Variants in PHIP observed in about 807,000 individuals in gnomAD.
The protein encoded by PHIP is PHIP subunit of CUL4-Ring ligase complex.
A neutral mutation model predicts 236.8 loss-of-function variants in PHIP; 54 were observed. The observed-to-expected ratio is 0.23, with a 90% CI of 0.18 to 0.29. The LOEUF (loss-of-function observed/expected upper bound fraction) is 0.29, where lower values mean the gene tolerates loss of function less well. PHIP is among the 10% of genes least tolerant of loss of function. The pLI is 1.00. For synonymous variants in PHIP, 756 were observed against 718.9 expected (o/e 1.05, Z -0.83); for missense variants, 1,370 against 2,190.8 (o/e 0.63, Z 7.48).
chr6:79,047,658 C>A (rs1772569917), intron 6 of PHIP, among the ~76,000 whole-genome samples: 1 of 152,082 alleles, frequency 6.6e-6, no homozygotes, highest in Non-Finnish European at 1.5e-5. Flanking sequence ...CCATTTACCA[C>A]AATATACCTG....
chr6:79,059,594 TATATATATATATA>T (rs1773256031), intron 6 of PHIP, among the ~76,000 whole-genome samples: 1 of 48,688 alleles, frequency 2.1e-5, no homozygotes, highest in Non-Finnish European at 4.5e-5. Flanking sequence ...AGCAAAATTA[TATATATATATATA>T]TATATATATA....
chr6:78,988,336 T>A lies in PHIP; in HGVS notation c.2333A>T (p.Glu778Val). 1 of 1,593,606 alleles carries A rather than the reference T, an allele frequency of 6.3e-7. No individual in the cohort carries two copies. The highest frequency in any genetic ancestry group is 1.2e-5 in the South Asian group (1 of 86,952). Reference sequence around the variant, plus strand: ...GGATTCTCCAAGATCCAGGAAATGCTCATGAGCATGATTCTAGAAAAAAAT... The same window carrying A: ...GGATTCTCCAAGATCCAGGAAATGCACATGAGCATGATTCTAGAAAAAAAT... ...IPTVSKNHAHEHFLDLGESKK... is the reference protein window; with the variant it reads ...IPTVSKNHAHVHFLDLGESKK... Residue 778 changes from glutamate (E) to valine (V), a missense_variant, in exon 21 of 40, where the codon GAG (glutamate) becomes GTG (valine). By Grantham distance (121) the Glu-to-Val change is moderately radical. This residue lies in a region of PHIP where 99 missense variants were observed against 110.0 expected (regional missense o/e 0.90). Coordinates refer to ENST00000275034, the MANE Select transcript of PHIP (RefSeq NM_017934.7).
intron 24 of PHIP, among the ~76,000 whole-genome samples, chr6:78,974,216 A>G (rs1259946251): frequency 6.6e-6 from 1 of 152,250 alleles, no homozygotes; most frequent in Non-Finnish European, 1.5e-5. Context: ...TTCAGGATTA[A>G]GAATCTCACT....
At position 78,959,073 on chromosome 6, in the gene PHIP, T is replaced by C. The variant is rs181768471; in HGVS notation, c.3657-473A>G. Among the ~76,000 whole-genome samples the C allele has an allele frequency of 3.1e-3, 476 of 152,212 alleles. 3 individuals carry two copies. Among genetic ancestry groups the C allele is most frequent in the African/African-American group, 0.011 (442 of 41,550 alleles). ...GTTAACTGACAGCCACCTTATGAGA[T>C]ACAAAATCATAAAAATATAGCATGC... On this transcript the variant is annotated intron_variant, in intron 31 of 39. Coordinates refer to ENST00000275034, the MANE Select transcript of PHIP (RefSeq NM_017934.7).
At chr6:79,003,450 C>A (rs1344079262) in intron 16 of PHIP, among the ~76,000 whole-genome samples, 2 of 151,958 alleles carry the variant, frequency 1.3e-5, no homozygotes, top group South Asian at 2.1e-4. Context: ...AGTTTATATA[C>A]CCCAAGTTAA....
chr6:79,052,839 C>T (rs1772865383), intron 6 of PHIP, among the ~76,000 whole-genome samples: 1 of 152,096 alleles, frequency 6.6e-6, no homozygotes, highest in Non-Finnish European at 1.5e-5. Context: ...ATTACCAAAT[C>T]AACAAATGGA....
intron 25 of PHIP, 90 bp downstream of exon 25, chr6:78,970,691 T>C: frequency 1.3e-6 from 1 of 785,220 alleles, no homozygotes; most frequent in Non-Finnish European, 2.1e-6. Flanking sequence ...ATGCAGTTTC[T>C]TATTGTGTTA....
intron 15 of PHIP, among the ~76,000 whole-genome samples, chr6:79,009,063 T>A (rs929395404): frequency 2.0e-5 from 3 of 152,128 alleles, no homozygotes; most frequent in African/African-American, 7.2e-5. Context: ...GTAGTTGTCC[T>A]CACACTTATT....
intron 16 of PHIP, among the ~76,000 whole-genome samples, chr6:79,003,448 T>C (rs2065986): frequency 0.017 from 2,538 of 152,164 alleles, 70 homozygotes; most frequent in African/African-American, 0.058. Flanking sequence ...CCAGTTTATA[T>C]ACCCCAAGTT....
At chr6:79,015,366 T>TAA in intron 14 of PHIP, 150 bp from the exon 15 acceptor site, 1 of 683,556 alleles carries the variant, frequency 1.5e-6, no homozygotes, top group Non-Finnish European at 2.5e-6. Flanking sequence ...CATGTATATA[T>TAA]AATAATGAAA....
At chr6:79,005,853 T>C (rs1770262531) in intron 15 of PHIP, among the ~76,000 whole-genome samples, 3 of 152,028 alleles carry the variant, frequency 2.0e-5, no homozygotes, top group Non-Finnish European at 2.9e-5. Flanking sequence ...TGATCAACCC[T>C]TGACCCTATT....
At chr6:79,019,494 A>G (rs920733325) in intron 9 of PHIP, among the ~76,000 whole-genome samples, 1 of 152,132 alleles carries the variant, frequency 6.6e-6, no homozygotes, top group East Asian at 1.9e-4. Context: ...CAACGTACAA[A>G]CATATAAGGA....
intron 4 of PHIP, among the ~76,000 whole-genome samples, chr6:79,076,966 T>C (rs186562330): frequency 3.0e-4 from 46 of 152,338 alleles, no homozygotes; most frequent in African/African-American, 1.1e-3. Context: ...AGCGGCTGGA[T>C]AGCCTGCTTG....
intron 39 of PHIP, 52 bp downstream of exon 39, chr6:78,945,248 T>G: frequency 2.3e-6 from 3 of 1,295,554 alleles, no homozygotes; most frequent in Non-Finnish European, 3.3e-6. Flanking sequence ...AACAAAAGCA[T>G]TATTTATAAT....
chr6:78,958,395 G>A (rs546496476), intron 32 of PHIP, 80 bp downstream of exon 32: 1 of 914,366 alleles, frequency 1.1e-6, no homozygotes, highest in South Asian at 1.5e-5. Flanking sequence ...TTTACAAACA[G>A]TATGTTTTCT....
At chr6:79,048,936 T>C (rs1772646933) in intron 6 of PHIP, among the ~76,000 whole-genome samples, 1 of 152,194 alleles carries the variant, frequency 6.6e-6, no homozygotes, top group Non-Finnish European at 1.5e-5. Flanking sequence ...AATATGTAAC[T>C]CGGAAGGTAT....
At chr6:79,028,369 T>C (rs1241567324) in intron 7 of PHIP, among the ~76,000 whole-genome samples, 2 of 152,060 alleles carry the variant, frequency 1.3e-5, no homozygotes, top group South Asian at 4.1e-4. Flanking sequence ...GTTAAAATAG[T>C]ATGGTCAGGA....
chr6:78,943,989 TTAAAAAAAAAA>T (rs1477079575), intron 39 of PHIP, among the ~76,000 whole-genome samples: 1 of 46,822 alleles, frequency 2.1e-5, no homozygotes, highest in Admixed American at 2.7e-4. Flanking sequence ...CTGTCTTTTT[TTAAAAAAAAAA>T]AAAAAAAAAA....
chr6:79,062,074 G>C (rs914488373), intron 4 of PHIP, among the ~76,000 whole-genome samples: 10 of 152,092 alleles, frequency 6.6e-5, no homozygotes, highest in Non-Finnish European at 5.9e-5. Flanking sequence ...TAAAACAGCA[G>C]TTTGGCATAC....
Sources: gnomAD v4.1 joint callset for allele counts (sites outside exome capture counted in the v4.1 genomes callset) on GRCh38, gnomAD v4.1.1 for gene constraint, gnomAD v4.1.1 regional missense constraint, MANE v1.5 for transcripts, NCBI Gene and HGNC (gene_info 2026-07-23, HGNC 2026-07-21) for gene names.